The following WDR59 variants were observed in gnomAD, a reference collection of about 807,000 sequenced individuals.
WDR59 encodes the protein GATOR2 complex protein WDR59.
WDR59 carries 100 observed loss-of-function variants against 131.2 expected under a neutral mutation model. The observed-to-expected ratio is 0.76, with a 90% CI of 0.65 to 0.90. The LOEUF is 0.90. WDR59 is among the 40% of genes least tolerant of loss of function. The pLI, the probability that WDR59 is intolerant of heterozygous loss-of-function variation, is 0.00. For missense variants in WDR59, 1,203 were observed against 1,262.2 expected (o/e 0.95, Z 0.71); for synonymous variants, 601 against 466.2 (o/e 1.29, Z -3.72).
intron 1 of WDR59, among the ~76,000 whole-genome samples, chr16:74,981,658 A>ATTTTTTTTTTTTTTTTTTT (rs2034430352): frequency 5.3e-5 from 4 of 75,520 alleles, no homozygotes; most frequent in African/African-American, 2.4e-4. Context: ...ATATATATAT[A>ATTTTTTTTTTTTTTTTTTT]TATTTTTTTT....
chr16:74,897,169 TC>T, intron 18 of WDR59, among the ~76,000 whole-genome samples: 1 of 152,346 alleles, frequency 6.6e-6, no homozygotes, highest in East Asian at 1.9e-4. Flanking sequence ...ACTTCTTTAG[TC>T]ACTTTCTGTC....
At chr16:74,926,461 C>T (rs2030823598) in intron 8 of WDR59, among the ~76,000 whole-genome samples, 1 of 152,124 alleles carries the variant, frequency 6.6e-6, no homozygotes, top group African/African-American at 2.4e-5. Flanking sequence ...GTGAGGATGG[C>T]CAACAAGCCA....
At chr16:74,934,792 T>A (rs2031669316) in intron 8 of WDR59, among the ~76,000 whole-genome samples, 1 of 151,818 alleles carries the variant, frequency 6.6e-6, no homozygotes, top group Non-Finnish European at 1.5e-5. Context: ...TATTTGTTCT[T>A]TATATATAGA....
Position 74,874,085 on chromosome 16 carries a change from G to A in WDR59, c.*124C>T. On this transcript the variant is annotated 3_prime_UTR_variant, in exon 26 of 26. Coordinates refer to ENST00000262144, the MANE Select transcript of WDR59 (RefSeq NM_030581.4). ...AAGAGCTGATGCTGCGCAGTCCTTG[G>A]GGGATCATCCTCCGGTCTCACTGGG... The A allele has an allele frequency of 2.5e-6, 2 of 789,958 alleles. No individual in the cohort carries two copies. The allele number at this position is 789,958 out of a possible 1,614,324, so 48.9% of individuals were successfully genotyped here. A position where few individuals can be genotyped will look rare whatever the true frequency, so the allele number is the denominator to read the frequency against.
At position 74,952,677 on chromosome 16, in the gene WDR59, G is replaced by A. The variant is rs77531055; in HGVS notation, c.241-1134C>T. On this transcript the variant is annotated intron_variant, in intron 3 of 25. Transcript: ENST00000262144. Reference sequence around the variant, plus strand: ...ACACAACAAAACAGCAAAGGCTCCCGACATATCATGACTTTATGAAACACA... The same window carrying A: ...ACACAACAAAACAGCAAAGGCTCCCAACATATCATGACTTTATGAAACACA... Among the ~76,000 whole-genome samples the A allele has an allele frequency of 6.1e-4, 93 of 151,376 alleles. 1 individual carries two copies. In the East Asian group the frequency reaches 0.016, roughly 26 times the overall value.
intron 18 of WDR59, among the ~76,000 whole-genome samples, chr16:74,900,715 T>C (rs1232248423): frequency 3.9e-5 from 6 of 152,194 alleles, no homozygotes; most frequent in Non-Finnish European, 8.8e-5. Context: ...AATATTTGGG[T>C]GAACATAACA....
At chr16:74,914,165 T>C (rs547346924) in intron 13 of WDR59, among the ~76,000 whole-genome samples, 44 of 152,142 alleles carry the variant, frequency 2.9e-4, no homozygotes, top group African/African-American at 9.9e-4. Context: ...TGAGTCACGG[T>C]AGCACCACTG....
chr16:74,900,544 T>G (rs181870527), intron 18 of WDR59, among the ~76,000 whole-genome samples: 92 of 152,292 alleles, frequency 6.0e-4, no homozygotes, highest in African/African-American at 2.0e-3. Flanking sequence ...CTAAAGCTTA[T>G]CCTAAGTTCT....
Position 74,960,105 on chromosome 16 carries a change from A to G in WDR59, c.105-3495T>C, listed in dbSNP as rs1359561196. On this transcript the variant is annotated intron_variant, in intron 2 of 25. Coordinates refer to ENST00000262144, the MANE Select transcript of WDR59 (RefSeq NM_030581.4). ...AGCACTTTGGGAGGCCGAGGCGGGTAGACTGCCTGAGCTCAGGGGCTTGAG... is the reference window on the plus strand; with the variant it reads ...AGCACTTTGGGAGGCCGAGGCGGGTGGACTGCCTGAGCTCAGGGGCTTGAG... Among the ~76,000 whole-genome samples the G allele has an allele frequency of 1.3e-3, 192 of 150,486 alleles. 1 individual carries two copies. Among genetic ancestry groups the G allele is most frequent in the Non-Finnish European group, 2.2e-3 (149 of 67,384 alleles).
chr16:74,931,728 G>C (rs1291280628), intron 8 of WDR59, among the ~76,000 whole-genome samples: 1 of 152,038 alleles, frequency 6.6e-6, no homozygotes, highest in Non-Finnish European at 1.5e-5. Context: ...TCAAAAATTA[G>C]CCAGGCATTG....
At chr16:74,960,435 C>A (rs1045316417) in intron 2 of WDR59, among the ~76,000 whole-genome samples, 5 of 151,444 alleles carry the variant, frequency 3.3e-5, no homozygotes, top group Non-Finnish European at 7.4e-5. Context: ...GTAGGAATTC[C>A]AACAAGAAAG....
chr16:74,906,443 G>C (rs1965826571), intron 17 of WDR59, among the ~76,000 whole-genome samples: 1 of 152,060 alleles, frequency 6.6e-6, no homozygotes, highest in Non-Finnish European at 1.5e-5. Context: ...GCTAGTGACA[G>C]GGTAAATGGC....
At chr16:74,909,412 A>C in intron 16 of WDR59, 89 bp downstream of exon 16, 1 of 1,426,822 alleles carries the variant, frequency 7.0e-7, no homozygotes, top group Non-Finnish European at 9.2e-7. Context: ...AAAAGCAAAC[A>C]TTTTCTGATG....
At chr16:74,953,574 G>T (rs958600719) in intron 3 of WDR59, among the ~76,000 whole-genome samples, 1 of 151,498 alleles carries the variant, frequency 6.6e-6, no homozygotes, top group Non-Finnish European at 1.5e-5. Flanking sequence ...ACACTGTCAA[G>T]AATGCAGAAA....
chr16:74,946,569 A>G (rs887754517), intron 6 of WDR59, among the ~76,000 whole-genome samples: 2 of 152,004 alleles, frequency 1.3e-5, no homozygotes, highest in African/African-American at 4.8e-5. Flanking sequence ...TAAAAATACA[A>G]AAATTAGCTG....
rs780289341 is a variant in WDR59, at chr16:74,892,548, A to G, written c.2018T>C (p.Ile673Thr). The part of the protein sequence containing the change: ...GELYILNVND[I>T]QETCQKNAAS... The stretch of plus-strand genomic sequence containing the variant: ...GGCATTCTTCTGACATGTTTCCTGA[A>G]TATCATTCACATTCAATCTGAAATT... The change falls in exon 20 of 26, where the codon ATT becomes ACT. Residue 673 changes from isoleucine (I) to threonine (T), a missense_variant. Transcript: ENST00000262144. The G allele has an allele frequency of 1.2e-6, 2 of 1,613,700 alleles. No individual in the cohort carries two copies. Among genetic ancestry groups the G allele is most frequent in the Non-Finnish European group, 8.5e-7 (1 of 1,179,876 alleles).
At chr16:74,945,210 C>T (rs1391186334) in intron 6 of WDR59, among the ~76,000 whole-genome samples, 1 of 152,108 alleles carries the variant, frequency 6.6e-6, no homozygotes, top group Non-Finnish European at 1.5e-5. Context: ...GGCGAAGAGG[C>T]TCACGCCTGT....
chr16:74,892,257 T>A (rs74026611), intron 20 of WDR59, among the ~76,000 whole-genome samples: 3,348 of 152,152 alleles, frequency 0.022, 127 homozygotes, highest in African/African-American at 0.074. Context: ...GATGTATAAT[T>A]AAAAAAATTC....
At chr16:74,901,761 C>T (rs1233870636) in intron 18 of WDR59, among the ~76,000 whole-genome samples, 2 of 151,914 alleles carry the variant, frequency 1.3e-5, no homozygotes, top group South Asian at 2.1e-4. Context: ...ACATGTGAAA[C>T]TAGGCAGCTG....
Sources: allele counts gnomAD v4.1 joint callset (sites outside exome capture counted in the v4.1 genomes callset), GRCh38; gene constraint gnomAD v4.1.1; transcripts MANE v1.5; gene names NCBI Gene and HGNC (gene_info 2026-07-23, HGNC 2026-07-21).